Variants in ZNF821 observed in about 807,000 individuals in gnomAD.
ZNF821 encodes the protein zinc finger protein 821.
Under a neutral mutation model 44.3 loss-of-function variants are expected in ZNF821, and 16 were observed. The observed-to-expected ratio is 0.36, with a 90% confidence interval of 0.24 to 0.55. ZNF821 has a LOEUF of 0.55. ZNF821 is among the 20% of genes least tolerant of loss of function. The pLI, the probability that ZNF821 is intolerant of heterozygous loss-of-function variation, is 0.86. For synonymous variants in ZNF821, 204 were observed against 197.6 expected (o/e 1.03, Z -0.27); for missense variants, 436 against 547.6 (o/e 0.80, Z 2.03).
chr16:71,860,735 T>C lies in ZNF821; in HGVS notation c.585-63A>G. 2.0e-6 allele frequency: 3 copies of C among 1,529,820 alleles called. No homozygotes were observed. The highest frequency in any genetic ancestry group is 1.2e-5 in the South Asian group (1 of 80,144). 94.8% of individuals were successfully genotyped at this position (1,529,820 alleles called of 1,614,324 possible). ...CTAGCAAGAGTCGGGACTCCAGCCCTGCCTTATTCTTTTCCTATGAGGCCA... is the reference window on the plus strand; with the variant it reads ...CTAGCAAGAGTCGGGACTCCAGCCCCGCCTTATTCTTTTCCTATGAGGCCA... On this transcript the variant is annotated intron_variant, in intron 7 of 7. Coordinates refer to ENST00000425432, the MANE Select transcript of ZNF821 (RefSeq NM_001201552.2). The surrounding 1 kb of genome is among the most constrained non-coding windows in gnomAD (Gnocchi z 7.3).
chr16:71,879,745 T>G, intron 3 of ZNF821, 162 bp downstream of exon 3: 11 of 743,192 alleles, frequency 1.5e-5, no homozygotes, highest in Non-Finnish European at 2.4e-5. Context: ...TTTTAACCCT[T>G]TTTCTTTCTT....
intron 1 of ZNF821, chr16:71,883,657 C>G (rs965403156): frequency 3.3e-5 from 5 of 152,276 alleles, no homozygotes; most frequent in Non-Finnish European, 5.9e-5. Flanking sequence ...GCCCGCGGCC[C>G]GCGCAAAAGC....
chr16:71,862,177 G>C (rs1024900726), intron 6 of ZNF821, among the ~76,000 whole-genome samples: 1 of 152,130 alleles, frequency 6.6e-6, no homozygotes, highest in Admixed American at 6.5e-5. Flanking sequence ...ACATGTGGCT[G>C]ACTTAAGGAA....
intron 1 of ZNF821, among the ~76,000 whole-genome samples, chr16:71,890,116 G>T (rs2036877330): frequency 6.6e-6 from 1 of 152,184 alleles, no homozygotes; most frequent in African/African-American, 2.4e-5. Flanking sequence ...CCTAATTAGT[G>T]ACATTAATTA....
intron 2 of ZNF821, among the ~76,000 whole-genome samples, chr16:71,880,977 G>C (rs564349697): frequency 2.0e-5 from 3 of 152,300 alleles, no homozygotes; most frequent in East Asian, 3.9e-4. Flanking sequence ...AGCATTGTTA[G>C]AGAATCTGAG....
upstream of ZNF821, among the ~76,000 whole-genome samples, chr16:71,886,377 A>G (rs958409717): frequency 6.6e-6 from 1 of 152,204 alleles, no homozygotes; most frequent in African/African-American, 2.4e-5. Flanking sequence ...CTCTTTAAAA[A>G]AGAAGAATTA....
At chr16:71,894,429 A>G (rs886762903) in intron 1 of ZNF821, 3 of 159,192 alleles carry the variant, frequency 1.9e-5, no homozygotes, top group Admixed American at 6.5e-5. Flanking sequence ...CCTCTTTAGT[A>G]GAGACGGGGT....
upstream of ZNF821, among the ~76,000 whole-genome samples, chr16:71,888,243 C>T (rs531556573): frequency 4.6e-5 from 7 of 152,160 alleles, no homozygotes; most frequent in African/African-American, 7.2e-5. Flanking sequence ...TATTTGGTCA[C>T]GGCACATAGT....
At chr16:71,876,934 A>G (rs1382247463) in intron 3 of ZNF821, among the ~76,000 whole-genome samples, 1 of 151,932 alleles carries the variant, frequency 6.6e-6, no homozygotes. Context: ...TTCCTTGACA[A>G]TCCTCACGTG....
chr16:71,868,808 C>T lies in ZNF821; in HGVS notation c.41-771G>A, dbSNP rs115665343. Among the ~76,000 whole-genome samples the T allele has an allele frequency of 1.5e-3, 234 of 151,692 alleles. 1 individual carries two copies. Among genetic ancestry groups the T allele is most frequent in the African/African-American group, 5.6e-3 (230 of 41,120 alleles). On this transcript the variant is annotated intron_variant, in intron 3 of 7. Transcript: ENST00000425432. Reference sequence around the variant, plus strand: ...CCAGGCTGGAGTACAGTGCTGGCACCCGCCTCCATGCCCAGCTAATTTTTT... The same window carrying T: ...CCAGGCTGGAGTACAGTGCTGGCACTCGCCTCCATGCCCAGCTAATTTTTT...
intron 3 of ZNF821, among the ~76,000 whole-genome samples, chr16:71,876,364 C>A (rs1192502009): frequency 6.6e-6 from 1 of 152,006 alleles, no homozygotes; most frequent in Non-Finnish European, 1.5e-5. Flanking sequence ...CCACTGCACC[C>A]GGCTAATTTT....
chr16:71,873,179 G>A (rs781412208), intron 3 of ZNF821, among the ~76,000 whole-genome samples: 5 of 152,092 alleles, frequency 3.3e-5, no homozygotes, highest in Admixed American at 6.5e-5. Context: ...AAAATTAGCT[G>A]GGCATGGTGA....
chr16:71,887,838 A>G (rs1490670578), upstream of ZNF821, among the ~76,000 whole-genome samples: 4 of 144,574 alleles, frequency 2.8e-5, no homozygotes, highest in Admixed American at 6.9e-5. Context: ...TCCTTTGCCT[A>G]TTTTTAAATT....
Position 71,894,782 on chromosome 16 carries a change from C to T in ZNF821, n.448+107G>A, listed in dbSNP as rs1297846712. On this transcript the variant is annotated intron_variant and non_coding_transcript_variant, in intron 1 of 2. Coordinates refer to the ZNF821 transcript ENST00000561700. ...AACTCCCGGGCTCAAGCGATCCTCC[C>T]GCCCCGCCTCTCAAAGTGCTGGGAA... 4.2e-5 allele frequency: 60 copies of T among 1,417,770 alleles called. No individual in the cohort carries two copies. The South Asian group carries it at 7.0e-4, about 17-fold the overall frequency. The allele number at this position is 1,417,770 out of a possible 1,614,324, so 87.8% of individuals were successfully genotyped here. A position where few individuals can be genotyped will look rare whatever the true frequency, so the allele number is the denominator to read the frequency against.
intron 1 of ZNF821, among the ~76,000 whole-genome samples, chr16:71,892,070 TG>T (rs2036889063): frequency 7.2e-6 from 1 of 139,636 alleles, no homozygotes; most frequent in Admixed American, 7.4e-5. Flanking sequence ...ACTTGGTACT[TG>T]TAAGGCTGCG....
chr16:71,877,942 A>G (rs1355511438), intron 3 of ZNF821, among the ~76,000 whole-genome samples: 3 of 147,396 alleles, frequency 2.0e-5, no homozygotes, highest in Non-Finnish European at 4.5e-5. Flanking sequence ...TATATATTAT[A>G]TAAAAAAATA....
rs559445341 is a variant in ZNF821, at chr16:71,863,340, A to G, written c.417+798T>C. 1.1e-4 allele frequency among the ~76,000 whole-genome samples: 17 copies of G among 151,904 alleles called. No homozygotes were observed. In the South Asian group the frequency reaches 3.5e-3, roughly 32 times the overall value. On this transcript the variant is annotated intron_variant, in intron 6 of 7. Coordinates refer to ENST00000425432, the MANE Select transcript of ZNF821 (RefSeq NM_001201552.2). ...CAGTGTGTCTGCCCGGAAACCCAGAATGTGTTTATCTAATATATCTCATTT... is the reference window on the plus strand; with the variant it reads ...CAGTGTGTCTGCCCGGAAACCCAGAGTGTGTTTATCTAATATATCTCATTT...
chr16:71,894,550 T>C (rs975100703), intron 1 of ZNF821: 4 of 292,186 alleles, frequency 1.4e-5, no homozygotes, highest in Non-Finnish European at 1.9e-5. Context: ...CCGGCCCTTT[T>C]TCTTTTTTTC....
intron 3 of ZNF821, 31 bp downstream of exon 3, chr16:71,879,876 C>T: frequency 6.2e-7 from 1 of 1,607,836 alleles, no homozygotes; most frequent in Non-Finnish European, 8.5e-7. Context: ...TTAGCATTCC[C>T]AGGTTCCAGA....
Sources: allele counts gnomAD v4.1 joint callset (sites outside exome capture counted in the v4.1 genomes callset), GRCh38; gene constraint gnomAD v4.1.1; non-coding constraint Gnocchi (gnomAD v3.1); transcripts MANE v1.5; gene names NCBI Gene and HGNC (gene_info 2026-07-23, HGNC 2026-07-21).